The following ARHGAP15 variants were observed in gnomAD, a reference collection of about 807,000 sequenced individuals.
The protein encoded by ARHGAP15 is rho GTPase-activating protein 15.
A neutral mutation model predicts 63.7 loss-of-function variants in ARHGAP15; 51 were observed. The ratio of observed to expected loss-of-function variants is 0.80; its 90% confidence interval spans 0.64 to 1.01. The LOEUF (loss-of-function observed/expected upper bound fraction) is 1.01. Among genes scored for constraint, ARHGAP15 ranks in the 50% least tolerant of loss-of-function variants. The pLI, the probability that ARHGAP15 is intolerant of heterozygous loss-of-function variation, is 0.00. For synonymous variants in ARHGAP15, 191 were observed against 193.8 expected (o/e 0.99, Z 0.12); for missense variants, 560 against 564.6 (o/e 0.99, Z 0.08).
chr2:143,491,256 C>T (rs1443413034), intron 9 of ARHGAP15, among the ~76,000 whole-genome samples: 1 of 152,156 alleles, frequency 6.6e-6, no homozygotes, highest in African/African-American at 2.4e-5. Context: ...TTATAAATCT[C>T]CTTGGCCTGC....
intron 11 of ARHGAP15, among the ~76,000 whole-genome samples, 186 bp downstream of exon 11, chr2:143,556,671 A>C (rs1317015481): frequency 6.6e-6 from 1 of 152,120 alleles, no homozygotes; most frequent in Non-Finnish European, 1.5e-5. Flanking sequence ...AGAATAGCAT[A>C]TACAGATAAA....
chr2:143,667,672 A>T (rs939282749), intron 12 of ARHGAP15, among the ~76,000 whole-genome samples: 2 of 151,936 alleles, frequency 1.3e-5, no homozygotes, highest in South Asian at 4.2e-4. Flanking sequence ...ATAATTTGTG[A>T]TAACTTATTA....
intron 10 of ARHGAP15, among the ~76,000 whole-genome samples, chr2:143,543,649 A>G (rs1398780701): frequency 6.6e-6 from 1 of 150,428 alleles, no homozygotes; most frequent in East Asian, 1.9e-4. Context: ...GATATTAAAT[A>G]TATATATATA....
At chr2:143,687,403 C>G (rs1470877468) in intron 12 of ARHGAP15, among the ~76,000 whole-genome samples, 1 of 152,026 alleles carries the variant, frequency 6.6e-6, no homozygotes, top group African/African-American at 2.4e-5. Context: ...TGAGGAAGAG[C>G]CAGAAATTAG....
At chr2:143,386,616 T>A (rs1307699609) in intron 6 of ARHGAP15, among the ~76,000 whole-genome samples, 1 of 152,120 alleles carries the variant, frequency 6.6e-6, no homozygotes, top group East Asian at 1.9e-4. Flanking sequence ...AGCACACACA[T>A]GTACACATAC....
intron 6 of ARHGAP15, among the ~76,000 whole-genome samples, chr2:143,401,278 A>G: frequency 6.6e-6 from 1 of 152,104 alleles, no homozygotes. Flanking sequence ...TCATAAATAG[A>G]TAGAAAAATT....
chr2:143,681,087 G>T (rs1683080264), intron 12 of ARHGAP15, among the ~76,000 whole-genome samples: 1 of 152,176 alleles, frequency 6.6e-6, no homozygotes, highest in South Asian at 2.1e-4. Flanking sequence ...AGGAGCAAAT[G>T]GGAAGTGTAG....
chr2:143,304,814 A>C (rs1210859607), intron 6 of ARHGAP15, among the ~76,000 whole-genome samples: 1 of 152,162 alleles, frequency 6.6e-6, no homozygotes, highest in Admixed American at 6.5e-5. Context: ...ATCATTAAAA[A>C]GTCAGGAAAT....
intron 8 of ARHGAP15, among the ~76,000 whole-genome samples, chr2:143,467,242 CTTTTTTTTTT>C (rs202115707): frequency 1.7e-5 from 1 of 57,918 alleles, no homozygotes; most frequent in African/African-American, 7.5e-5. Context: ...ACTCCATGGC[CTTTTTTTTTT>C]TTTTTTTTTT....
At chr2:143,272,847 T>G (rs1681358350) in intron 6 of ARHGAP15, among the ~76,000 whole-genome samples, 1 of 152,234 alleles carries the variant, frequency 6.6e-6, no homozygotes, top group Non-Finnish European at 1.5e-5. Context: ...AAATAGGTAC[T>G]TGACCACCAG....
chr2:143,254,141 G>A (rs879766786), intron 6 of ARHGAP15, among the ~76,000 whole-genome samples: 2 of 152,100 alleles, frequency 1.3e-5, no homozygotes, highest in African/African-American at 2.4e-5. Context: ...GTGCTAGTTT[G>A]CTCTTTGGTG....
At chr2:143,358,557 T>A (rs1182674700) in intron 6 of ARHGAP15, among the ~76,000 whole-genome samples, 3 of 151,760 alleles carry the variant, frequency 2.0e-5, no homozygotes, top group Admixed American at 1.3e-4. Flanking sequence ...AAGCATTTAT[T>A]TTTTAGGAAA....
chr2:143,451,070 C>G (rs990244159), intron 8 of ARHGAP15, among the ~76,000 whole-genome samples: 2 of 151,828 alleles, frequency 1.3e-5, no homozygotes, highest in African/African-American at 4.8e-5. Flanking sequence ...GTTTTGTTCT[C>G]TGAGGTATAA....
At chr2:143,334,381 CTT>C (rs1311914534) in intron 6 of ARHGAP15, among the ~76,000 whole-genome samples, 1 of 152,102 alleles carries the variant, frequency 6.6e-6, no homozygotes, top group Non-Finnish European at 1.5e-5. Context: ...TTTTTCTAGA[CTT>C]AATCTTACAT....
chr2:143,308,470 G>A (rs1249261323), intron 6 of ARHGAP15, among the ~76,000 whole-genome samples: 1 of 89,088 alleles, frequency 1.1e-5, no homozygotes, highest in East Asian at 2.4e-4. Context: ...GGATTGAGTT[G>A]ATAAGAAACA....
chr2:143,139,068 G>T (rs1435682456), intron 1 of ARHGAP15, among the ~76,000 whole-genome samples: 1 of 151,768 alleles, frequency 6.6e-6, no homozygotes, highest in Admixed American at 6.6e-5. Flanking sequence ...CTCAAATACG[G>T]TCCTTAAATT....
chr2:143,353,420 G>C (rs1384787933), intron 6 of ARHGAP15, among the ~76,000 whole-genome samples: 2 of 152,198 alleles, frequency 1.3e-5, no homozygotes, highest in Non-Finnish European at 2.9e-5. Flanking sequence ...AAATGCAACT[G>C]TATACTTATG....
chr2:143,717,725 A>G (rs1399824371), intron 13 of ARHGAP15, among the ~76,000 whole-genome samples: 1 of 152,120 alleles, frequency 6.6e-6, no homozygotes, highest in East Asian at 1.9e-4. Flanking sequence ...GGCTCCCTAC[A>G]TCCTTGTCAC....
At chr2:143,245,011 A>T (rs944823368) in intron 5 of ARHGAP15, among the ~76,000 whole-genome samples, 1 of 152,236 alleles carries the variant, frequency 6.6e-6, no homozygotes, top group Non-Finnish European at 1.5e-5. Flanking sequence ...GGAGGCAGGT[A>T]GGAGAAGAAG....
Sources: allele counts gnomAD v4.1 joint callset (sites outside exome capture counted in the v4.1 genomes callset), GRCh38; gene constraint gnomAD v4.1.1; transcripts MANE v1.5; gene names NCBI Gene and HGNC (gene_info 2026-07-23, HGNC 2026-07-21).